The following MAGI2 variants were observed in gnomAD, a reference collection of about 807,000 sequenced individuals.
The protein encoded by MAGI2 is membrane associated guanylate kinase, WW and PDZ domain containing 2, also known as membrane-associated guanylate kinase, WW and PDZ domain-containing protein 2.
MAGI2 carries 35 observed loss-of-function variants against 133.3 expected under a neutral mutation model. That is an observed-to-expected ratio of 0.26 (90% CI 0.20 to 0.35). The LOEUF is 0.35. Among genes scored for constraint, MAGI2 ranks in the 10% least tolerant of loss-of-function variants. The pLI, the probability that MAGI2 is intolerant of heterozygous loss-of-function variation, is 1.00. For missense variants in MAGI2, 1,636 were observed against 1,863.4 expected (o/e 0.88, Z 2.25); for synonymous variants, 729 against 710.6 (o/e 1.03, Z -0.41).
At chr7:78,174,143 C>A (rs1214509840) in intron 14 of MAGI2, among the ~76,000 whole-genome samples, 2 of 152,114 alleles carry the variant, frequency 1.3e-5, no homozygotes, top group South Asian at 4.1e-4. Context: ...ACAGTTTTGA[C>A]TTGGTGGAAA....
At chr7:78,363,624 T>C (rs980893820) in intron 7 of MAGI2, among the ~76,000 whole-genome samples, 1 of 151,968 alleles carries the variant, frequency 6.6e-6, no homozygotes, top group African/African-American at 2.4e-5. Flanking sequence ...CTTAGAATTG[T>C]TCACTTTTTG....
chr7:79,028,239 A>ATATC (rs1257208855), intron 1 of MAGI2, among the ~76,000 whole-genome samples: 21 of 34,852 alleles, frequency 6.0e-4, no homozygotes, highest in African/African-American at 1.3e-3. Context: ...ATGTATGTAT[A>ATATC]TATATATATA....
intron 3 of MAGI2, among the ~76,000 whole-genome samples, chr7:78,579,165 C>G (rs980896391): frequency 2.0e-5 from 3 of 152,154 alleles, no homozygotes; most frequent in Non-Finnish European, 4.4e-5. Flanking sequence ...AAAACTGAGG[C>G]AAAATTAAAA....
At chr7:78,356,805 T>C (rs1792129555) in intron 7 of MAGI2, among the ~76,000 whole-genome samples, 1 of 152,170 alleles carries the variant, frequency 6.6e-6, no homozygotes, top group Non-Finnish European at 1.5e-5. Flanking sequence ...GAGGTGCCAC[T>C]TGACTCTTGG....
At chr7:79,082,183 C>T (rs1349377298) in intron 1 of MAGI2, among the ~76,000 whole-genome samples, 7 of 152,000 alleles carry the variant, frequency 4.6e-5, no homozygotes, top group Non-Finnish European at 1.0e-4. Context: ...TCTTTACCTT[C>T]TTGATAATGT....
intron 6 of MAGI2, among the ~76,000 whole-genome samples, chr7:78,436,074 G>A (rs569832553): frequency 1.3e-5 from 2 of 152,226 alleles, no homozygotes; most frequent in South Asian, 2.1e-4. Context: ...ACACCCTGGA[G>A]GTTTCTTATT....
chr7:78,902,687 A>T (rs1012862226), intron 2 of MAGI2: 3 of 152,198 alleles, frequency 2.0e-5, no homozygotes, highest in African/African-American at 7.2e-5. Context: ...TGTGTGAAAC[A>T]TGCAAACTTT....
At chr7:78,060,527 C>T (rs1813131335) in intron 21 of MAGI2, among the ~76,000 whole-genome samples, 1 of 152,216 alleles carries the variant, frequency 6.6e-6, no homozygotes, top group Non-Finnish European at 1.5e-5. Flanking sequence ...AGTATGTGGA[C>T]ACTGATAACT....
At position 78,127,350 on chromosome 7, in the gene MAGI2, G is replaced by A; in HGVS notation, c.3270C>T (p.Asp1090=). ...KPDIRQPPFT[D]YRQPPLDYRQ... is the part of the protein sequence containing the mutation. ...TGTAATCCAGCGGGGGCTGCCTGTA[G>A]TCTGTGAATGGAGGCTGTCGGATGT... Residue 1090 remains aspartate (D), a synonymous_variant, in exon 19 of 22, where the codon GAC becomes GAT. Coordinates refer to ENST00000354212, the MANE Select transcript of MAGI2 (RefSeq NM_012301.4). 6.2e-7 allele frequency: 1 copy of A among 1,610,260 alleles called. No individual in the cohort carries two copies. The highest frequency in any genetic ancestry group is 8.5e-7 in the Non-Finnish European group (1 of 1,179,980).
At chr7:78,243,647 T>C (rs1027747372) in intron 10 of MAGI2, among the ~76,000 whole-genome samples, 39 of 152,260 alleles carry the variant, frequency 2.6e-4, no homozygotes, top group African/African-American at 9.1e-4. Context: ...GTATTATCCA[T>C]ACTAGTTAAT....
chr7:78,292,962 A>G (rs555521308), intron 9 of MAGI2, among the ~76,000 whole-genome samples: 5 of 152,352 alleles, frequency 3.3e-5, no homozygotes, highest in African/African-American at 1.2e-4. Flanking sequence ...TAAATGTTAG[A>G]CCTAAAACCA....
chr7:78,972,938 T>TACACAC lies in MAGI2; in HGVS notation c.418+34146_418+34151dup, dbSNP rs3069435. Among the ~76,000 whole-genome samples, 429 of 148,350 alleles carry TACACAC rather than the reference T, an allele frequency of 2.9e-3. 4 individuals are homozygous for TACACAC. Among genetic ancestry groups the TACACAC allele is most frequent in the African/African-American group, 8.9e-3 (360 of 40,526 alleles). The stretch of plus-strand genomic sequence containing the variant: ...TGTGATTCTGTGCTCTTGTTGCTTT[T>TACACAC]ACACACACACACACACACACACACA... On this transcript the variant is annotated intron_variant, in intron 2 of 21. Coordinates refer to ENST00000354212, the MANE Select transcript of MAGI2 (RefSeq NM_012301.4).
intron 1 of MAGI2, among the ~76,000 whole-genome samples, chr7:79,206,365 T>C (rs986128731): frequency 1.3e-5 from 2 of 151,292 alleles, no homozygotes; most frequent in Admixed American, 6.6e-5. Context: ...CTCAAATAAA[T>C]AAAATCAGAA....
At chr7:79,168,262 C>T (rs567576839) in intron 1 of MAGI2, among the ~76,000 whole-genome samples, 1 of 151,846 alleles carries the variant, frequency 6.6e-6, no homozygotes, top group African/African-American at 2.4e-5. Flanking sequence ...GTATCCCAAC[C>T]GAGCTGGTCT....
intron 2 of MAGI2, chr7:78,946,956 G>T (rs1053490860): frequency 2.6e-5 from 4 of 152,042 alleles, no homozygotes; most frequent in African/African-American, 9.7e-5. Context: ...TATTCTAAGA[G>T]ACAAATGAAT....
At chr7:78,528,265 A>G (rs867233371) in intron 3 of MAGI2, among the ~76,000 whole-genome samples, 15 of 152,312 alleles carry the variant, frequency 9.8e-5, no homozygotes, top group Middle Eastern at 3.4e-3. Context: ...TCTGACGTTA[A>G]ACAGAGAAAA....
chr7:78,408,331 T>C (rs776390726), intron 6 of MAGI2, among the ~76,000 whole-genome samples: 3 of 151,980 alleles, frequency 2.0e-5, no homozygotes, highest in Non-Finnish European at 4.4e-5. Context: ...ATAAAACACA[T>C]TTATACTTTA....
At chr7:78,544,924 G>T (rs1563149077) in intron 3 of MAGI2, among the ~76,000 whole-genome samples, 1 of 151,550 alleles carries the variant, frequency 6.6e-6, no homozygotes, top group Non-Finnish European at 1.5e-5. Context: ...CTCCCGAAGG[G>T]CTGGGATTAC....
At chr7:78,971,294 A>G (rs1367886617) in intron 2 of MAGI2, among the ~76,000 whole-genome samples, 1 of 152,070 alleles carries the variant, frequency 6.6e-6, no homozygotes, top group African/African-American at 2.4e-5. Context: ...GTCTCTCTTC[A>G]AAGAGATATG....
Sources: gnomAD v4.1 joint callset for allele counts (sites outside exome capture counted in the v4.1 genomes callset) on GRCh38, gnomAD v4.1.1 for gene constraint, MANE v1.5 for transcripts, NCBI Gene and HGNC (gene_info 2026-07-23, HGNC 2026-07-21) for gene names.